Variants in MBOAT7 observed in about 807,000 individuals in gnomAD.
The protein encoded by MBOAT7 is membrane-bound acylglycerophosphatidylinositol O-acyltransferase MBOAT7.
MBOAT7 carries 40 observed loss-of-function variants against 47.4 expected under a neutral mutation model. The observed-to-expected ratio is 0.84, with a 90% CI of 0.66 to 1.10. The LOEUF is 1.10. Among genes scored for constraint, MBOAT7 ranks in the 50% least tolerant of loss-of-function variants. MBOAT7 has a pLI of 0.00. For missense variants in MBOAT7, 680 were observed against 655.6 expected (o/e 1.04, Z -0.41); for synonymous variants, 361 against 292.0 (o/e 1.24, Z -2.41).
Position 54,180,541 on chromosome 19 carries a change from C to T in MBOAT7, c.854+232G>A. On this transcript the variant is annotated intron_variant, in intron 6 of 7. Coordinates refer to ENST00000245615, the MANE Select transcript of MBOAT7 (RefSeq NM_024298.5). This position sits in a 1 kb window ranked among gnomAD's most constrained non-coding sequence, Gnocchi z 5.2. Reference sequence around the variant, plus strand: ...CTTTTCCTAGCGACAGGGGGCAGTTCACCACACTGCGGGGTGACAAGCGCT... The same window carrying T: ...CTTTTCCTAGCGACAGGGGGCAGTTTACCACACTGCGGGGTGACAAGCGCT... 2 of 525,266 alleles carry T rather than the reference C, an allele frequency of 3.8e-6. No individual in the cohort carries two copies. Among genetic ancestry groups the T allele is most frequent in the Non-Finnish European group, 6.7e-6 (2 of 300,532 alleles). The allele number at this position is 525,266 out of a possible 1,614,324, so 32.5% of individuals were successfully genotyped here.
intron 6 of MBOAT7, 37 bp from the exon 7 acceptor site, chr19:54,178,978 C>T (rs760322373): frequency 1.2e-6 from 2 of 1,604,224 alleles, no homozygotes; most frequent in South Asian, 1.1e-5. Context: ...GACAGACATG[C>T]AGCTCAGCCA....
At chr19:54,178,720 G>A (rs767741058) in intron 7 of MBOAT7, 45 bp downstream of exon 7, 15 of 1,600,572 alleles carry the variant, frequency 9.4e-6, no homozygotes, top group Non-Finnish European at 1.2e-5. Context: ...CCTGCTGGGA[G>A]ATGTAGTTCT....
intron 5 of MBOAT7, among the ~76,000 whole-genome samples, chr19:54,181,628 AGGGAG>A (rs2076273935): frequency 3.4e-5 from 1 of 29,440 alleles, no homozygotes; most frequent in Non-Finnish European, 6.4e-5. Flanking sequence ...GGAGGGAGGG[AGGGAG>A]GGAGGGAAGG....
intron 4 of MBOAT7, among the ~76,000 whole-genome samples, chr19:54,185,068 G>A (rs1284540429): frequency 6.6e-6 from 1 of 151,692 alleles, no homozygotes; most frequent in Non-Finnish European, 1.5e-5. Flanking sequence ...AAATTAGCAA[G>A]GCGTGGTGGT....
chr19:54,183,410 G>T, intron 5 of MBOAT7, 111 bp downstream of exon 5: 1 of 1,272,158 alleles, frequency 7.9e-7, no homozygotes, highest in Non-Finnish European at 1.1e-6. Context: ...CACAGCAGCA[G>T]ATGCTAGGAT....
chr19:54,180,510 TACC>T lies in MBOAT7; in HGVS notation c.854+260_854+262del, dbSNP rs976030898. On this transcript the variant is annotated intron_variant, in intron 6 of 7. Transcript: ENST00000245615. This position sits in a 1 kb window ranked among gnomAD's most constrained non-coding sequence, Gnocchi z 5.2. ...GAGGGGTGGCACAGGGTTGCTAAGTTACCACCTTTTCCTAGCGACAGGGGGCAG... is the reference window on the plus strand; with the variant it reads ...GAGGGGTGGCACAGGGTTGCTAAGTTACCTTTTCCTAGCGACAGGGGGCAG... 132 of 455,974 alleles carry T rather than the reference TACC, an allele frequency of 2.9e-4. 3 individuals carry two copies. In the South Asian group the frequency reaches 4.3e-3, roughly 15 times the overall value. 28.2% of individuals were successfully genotyped at this position (455,974 alleles called of 1,614,324 possible). A position where few individuals can be genotyped will look rare whatever the true frequency, so the allele number is the denominator to read the frequency against.
chr19:54,183,776 G>T, intron 4 of MBOAT7, 96 bp from the exon 5 acceptor site: 1 of 1,278,564 alleles, frequency 7.8e-7, no homozygotes, highest in Admixed American at 3.4e-5. Context: ...GCCAAGGGGT[G>T]CTGGGTGCCC....
intron 4 of MBOAT7, among the ~76,000 whole-genome samples, chr19:54,184,835 C>T (rs1408127336): frequency 2.7e-5 from 4 of 146,138 alleles, no homozygotes; most frequent in Admixed American, 2.2e-4. Flanking sequence ...ACCTGGGAGG[C>T]GGAGGTTGCG....
intron 4 of MBOAT7, among the ~76,000 whole-genome samples, chr19:54,186,677 C>G (rs530078775): frequency 6.6e-6 from 1 of 152,294 alleles, no homozygotes. Context: ...GCTGTGTTCA[C>G]GGATAAGCCG....
At chr19:54,176,700 A>G (rs2076117098) in intron 7 of MBOAT7, among the ~76,000 whole-genome samples, 1 of 152,036 alleles carries the variant, frequency 6.6e-6, no homozygotes, top group Non-Finnish European at 1.5e-5. Context: ...CCCAGTTGAG[A>G]AGCACTTGTC....
chr19:54,188,276 G>A lies in MBOAT7; in HGVS notation c.147C>T (p.His49=). 1 of 1,614,056 alleles carries A rather than the reference G, an allele frequency of 6.2e-7. No homozygotes were observed. The highest frequency in any genetic ancestry group is 8.5e-7 in the Non-Finnish European group (1 of 1,179,996). The change falls in exon 3 of 8, where the codon CAC becomes CAT. Residue 49 remains histidine (H), a synonymous_variant. Coordinates refer to ENST00000245615, the MANE Select transcript of MBOAT7 (RefSeq NM_024298.5). ...GGATGGTGACCAGAGAATGCAAAGTGTGGGGGCCACAGGTGAACAGGGTGA... is the reference window on the plus strand; with the variant it reads ...GGATGGTGACCAGAGAATGCAAAGTATGGGGGCCACAGGTGAACAGGGTGA... ...LGLTLFTCGP[H]TLHSLVTILG...
At position 54,180,791 on chromosome 19, in the gene MBOAT7, TG is replaced by T; in HGVS notation, c.835del (p.Gln279AsnfsTer44). On this transcript the variant is annotated frameshift_variant, in exon 6 of 8. Transcript: ENST00000245615. LOFTEE classifies it high-confidence loss of function. This position sits in a 1 kb window ranked among gnomAD's most constrained non-coding sequence, Gnocchi z 5.2. ...KARAGGGPTL[Q>X]CPPPSSPEKA... ...GCCTGACCTGCTGGGGGGTGGGCAT[TG>T]GAGGGTGGGGCCGCCTCCGGCCCGG... 1 of 1,473,514 alleles carries T rather than the reference TG, an allele frequency of 6.8e-7. No homozygotes were observed. Among genetic ancestry groups the T allele is most frequent in the Non-Finnish European group, 9.1e-7 (1 of 1,100,554 alleles). 91.3% of individuals were successfully genotyped at this position (1,473,514 alleles called of 1,614,324 possible). A position where few individuals can be genotyped will look rare whatever the true frequency, so the allele number is the denominator to read the frequency against.
rs760318435 is a variant in MBOAT7 at position 54,174,038 on chromosome 19, G to A, written c.*6C>T. On this transcript the variant is annotated 3_prime_UTR_variant, in exon 8 of 8. Transcript: ENST00000245615. ...GACCAGCTGGCAGAGGGAGCGTCGTGACAGCTTACTCCTCCCGGAGCTTCT... is the reference window on the plus strand; with the variant it reads ...GACCAGCTGGCAGAGGGAGCGTCGTAACAGCTTACTCCTCCCGGAGCTTCT... The A allele has an allele frequency of 1.3e-6, 2 of 1,570,762 alleles. No homozygotes were observed. The highest frequency in any genetic ancestry group is 1.7e-6 in the Non-Finnish European group (2 of 1,163,376).
chr19:54,188,128 G>A (rs1237947605), intron 3 of MBOAT7, 89 bp downstream of exon 3: 1 of 1,338,624 alleles, frequency 7.5e-7, no homozygotes, highest in East Asian at 2.4e-5. Flanking sequence ...AGCTAGACAT[G>A]AGGCAGAAGC....
intron 7 of MBOAT7, among the ~76,000 whole-genome samples, chr19:54,177,897 TCTG>T: frequency 8.4e-6 from 1 of 118,540 alleles, no homozygotes; most frequent in African/African-American, 3.7e-5. Context: ...GAGTTCTACT[TCTG>T]TTTTTTTTTT....
chr19:54,185,220 T>C (rs940967372), intron 4 of MBOAT7, among the ~76,000 whole-genome samples: 2 of 152,026 alleles, frequency 1.3e-5, no homozygotes, highest in African/African-American at 2.4e-5. Context: ...ATAAATAACA[T>C]TTAAAAAATT....
intron 7 of MBOAT7, among the ~76,000 whole-genome samples, chr19:54,174,998 C>T (rs1298868573): frequency 3.9e-5 from 5 of 127,338 alleles, no homozygotes; most frequent in Admixed American, 1.7e-4. Context: ...TTTTTTGAGA[C>T]AGAGTCTCGC....
Position 54,181,083 on chromosome 19 carries a change from G to A in MBOAT7, c.544C>T (p.Pro182Ser), listed in dbSNP as rs971416882. 2 of 1,524,262 alleles carry A rather than the reference G, an allele frequency of 1.3e-6. No homozygotes were observed. The highest frequency in any genetic ancestry group is 1.8e-6 in the Non-Finnish European group (2 of 1,135,776). The allele number at this position is 1,524,262 out of a possible 1,614,324, so 94.4% of individuals were successfully genotyped here. The change falls in exon 6 of 8, where the codon CCC becomes TCC. Residue 182 changes from proline (P) to serine (S), a missense_variant. Coordinates refer to ENST00000245615, the MANE Select transcript of MBOAT7 (RefSeq NM_024298.5). ...TYLDWLEQPF[P>S]GAVPSLRPLL... is the part of the protein sequence containing the mutation. Reference sequence around the variant, plus strand: ...GGCCGCAGGCTGGGCACTGCCCCGGGGAAGGGCTGCTCCAGCCAGTCCAGG... The same window carrying A: ...GGCCGCAGGCTGGGCACTGCCCCGGAGAAGGGCTGCTCCAGCCAGTCCAGG...
intron 5 of MBOAT7, 90 bp from the exon 6 acceptor site, chr19:54,181,223 G>T: frequency 7.1e-7 from 1 of 1,408,834 alleles, no homozygotes; most frequent in Non-Finnish European, 9.3e-7. Flanking sequence ...TGGAAGGAAG[G>T]TGGGAAGAGG....
Sources: allele counts gnomAD v4.1 joint callset (sites outside exome capture counted in the v4.1 genomes callset), GRCh38; gene constraint gnomAD v4.1.1; non-coding constraint Gnocchi (gnomAD v3.1); transcripts MANE v1.5; gene names NCBI Gene and HGNC (gene_info 2026-07-23, HGNC 2026-07-21).